Variants in PARVA observed in about 807,000 individuals in gnomAD.
PARVA encodes the protein alpha-parvin.
PARVA carries 25 observed loss-of-function variants against 52.6 expected under a neutral mutation model. The observed-to-expected ratio is 0.48, with a 90% CI of 0.35 to 0.66. PARVA has a LOEUF of 0.66. Ranked by LOEUF, PARVA falls within the 30% of genes least tolerant of loss-of-function variation. The pLI is 0.01. For missense variants in PARVA, 373 were observed against 450.9 expected (o/e 0.83, Z 1.56); for synonymous variants, 185 against 179.1 (o/e 1.03, Z -0.26).
chr11:12,492,125 G>T (rs1449420305), intron 4 of PARVA, among the ~76,000 whole-genome samples: 1 of 152,140 alleles, frequency 6.6e-6, no homozygotes. Context: ...AATTGTGTTT[G>T]TTAGAACATC....
chr11:12,377,604 C>G lies in PARVA; in HGVS notation c.-44C>G. The G allele has an allele frequency of 6.5e-7, 1 of 1,533,356 alleles. No homozygotes were observed. Among genetic ancestry groups the G allele is most frequent in the Non-Finnish European group, 8.7e-7 (1 of 1,145,574 alleles). The allele number at this position is 1,533,356 out of a possible 1,614,324, so 95.0% of individuals were successfully genotyped here. A position where few individuals can be genotyped will look rare whatever the true frequency, so the allele number is the denominator to read the frequency against. On this transcript the variant is annotated 5_prime_UTR_variant, in exon 1 of 13. Transcript: ENST00000334956. ...CGCCGCCCGCTGCGTCCGCCCAGCGCCAGCTCCGCGTCCCGACCGGCCCGC... is the reference window on the plus strand; with the variant it reads ...CGCCGCCCGCTGCGTCCGCCCAGCGGCAGCTCCGCGTCCCGACCGGCCCGC...
chr11:12,521,109 C>T (rs1564870175), intron 12 of PARVA, among the ~76,000 whole-genome samples: 1 of 152,154 alleles, frequency 6.6e-6, no homozygotes, highest in Non-Finnish European at 1.5e-5. Flanking sequence ...GGCAGGGACT[C>T]AGAAGACATC....
At chr11:12,393,501 G>C (rs2134956937) in intron 1 of PARVA, among the ~76,000 whole-genome samples, 1 of 152,170 alleles carries the variant, frequency 6.6e-6, no homozygotes, top group South Asian at 2.1e-4. Context: ...TGATTGAGTT[G>C]TCTTCCACAT....
At chr11:12,385,603 T>C (rs1438593635) in intron 1 of PARVA, among the ~76,000 whole-genome samples, 1 of 152,156 alleles carries the variant, frequency 6.6e-6, no homozygotes, top group Non-Finnish European at 1.5e-5. Flanking sequence ...GGCCAAATAG[T>C]AACTATCTAA....
intron 1 of PARVA, among the ~76,000 whole-genome samples, chr11:12,465,335 T>C (rs915578476): frequency 6.6e-6 from 1 of 152,202 alleles, no homozygotes; most frequent in African/African-American, 2.4e-5. Flanking sequence ...CCTCACTAGA[T>C]GTGGCCCTGC....
rs1197693695 is a variant in PARVA at position 12,528,866 on chromosome 11, T to C, written c.*941T>C. Reference sequence around the variant, plus strand: ...GTTTCAGGGTGACATTTGGGAAGGATTTTGTTTAGAATTAATGGAGTGGCA... The same window carrying C: ...GTTTCAGGGTGACATTTGGGAAGGACTTTGTTTAGAATTAATGGAGTGGCA... On this transcript the variant is annotated 3_prime_UTR_variant, in exon 13 of 13. Coordinates refer to ENST00000334956, the MANE Select transcript of PARVA (RefSeq NM_018222.5). The C allele has an allele frequency of 1.3e-5, 2 of 152,682 alleles. No homozygotes were observed. The highest frequency in any genetic ancestry group is 2.9e-5 in the Non-Finnish European group (2 of 68,052). The allele number at this position is 152,682 out of a possible 1,614,324, so 9.5% of individuals were successfully genotyped here. A position where few individuals can be genotyped will look rare whatever the true frequency, so the allele number is the denominator to read the frequency against.
chr11:12,501,424 C>T lies in PARVA; in HGVS notation c.542-2890C>T, dbSNP rs544434834. 3.3e-5 allele frequency among the ~76,000 whole-genome samples: 5 copies of T among 152,154 alleles called. No homozygotes were observed. In the South Asian group the frequency reaches 1.0e-3, roughly 32 times the overall value. On this transcript the variant is annotated intron_variant, in intron 5 of 12. Coordinates refer to ENST00000334956, the MANE Select transcript of PARVA (RefSeq NM_018222.5). ...ATAACTTCTTAAAGCAGTGGTTATT[C>T]AACTATGGTTGGTCCAAAACTAGGG...
intron 1 of PARVA, among the ~76,000 whole-genome samples, chr11:12,434,628 G>T (rs60476090): frequency 0.15 from 22,708 of 151,976 alleles, 3,767 homozygotes; most frequent in African/African-American, 0.41. Context: ...TCCACCTCCT[G>T]GTCTCTTCTA....
intron 1 of PARVA, among the ~76,000 whole-genome samples, chr11:12,437,388 C>T (rs1251998726): frequency 2.0e-5 from 3 of 152,248 alleles, no homozygotes; most frequent in Admixed American, 6.5e-5. Flanking sequence ...GCCTCCTAAG[C>T]CTCCTATCAC....
At chr11:12,454,702 C>T (rs937615324) in intron 1 of PARVA, among the ~76,000 whole-genome samples, 2 of 152,132 alleles carry the variant, frequency 1.3e-5, no homozygotes, top group Non-Finnish European at 2.9e-5. Flanking sequence ...CCAATCTTGG[C>T]TTCATTCACA....
At chr11:12,389,489 C>A (rs1422856219) in intron 1 of PARVA, among the ~76,000 whole-genome samples, 1 of 152,144 alleles carries the variant, frequency 6.6e-6, no homozygotes, top group African/African-American at 2.4e-5. Flanking sequence ...CTTGGACTTA[C>A]CCCAAACTTG....
intron 5 of PARVA, among the ~76,000 whole-genome samples, chr11:12,503,733 C>CA (rs149797718): frequency 5.5e-4 from 83 of 150,178 alleles, no homozygotes; most frequent in Non-Finnish European, 9.3e-4. Context: ...GACCCTGCTT[C>CA]AAAAAAAAAG....
chr11:12,423,351 G>GTTTTTTTTTTT (rs869105706), intron 1 of PARVA, among the ~76,000 whole-genome samples: 1 of 104,714 alleles, frequency 9.5e-6, no homozygotes, highest in Non-Finnish European at 1.9e-5. Flanking sequence ...GCTAATTTTT[G>GTTTTTTTTTTT]TTTTTTTTTT....
intron 5 of PARVA, among the ~76,000 whole-genome samples, chr11:12,500,311 C>A (rs1318725710): frequency 6.6e-6 from 1 of 152,122 alleles, no homozygotes. Context: ...TACTCTTATC[C>A]CATATGTTCC....
At chr11:12,382,368 T>G (rs888951292) in intron 1 of PARVA, among the ~76,000 whole-genome samples, 1 of 149,654 alleles carries the variant, frequency 6.7e-6, no homozygotes. Context: ...ATTTGTGACA[T>G]GAGTAACTTT....
rs1002302795 is a variant in PARVA, at chr11:12,533,116, C to G, written c.*5191C>G. ...TCCCATAGCTCCTCCTAACCTGCTG[C>G]TGCTGATGGACAGGAACTCCTGGAC... On this transcript the variant is annotated 3_prime_UTR_variant, in exon 13 of 13. Coordinates refer to ENST00000334956, the MANE Select transcript of PARVA (RefSeq NM_018222.5). 6.6e-6 allele frequency among the ~76,000 whole-genome samples: 1 copy of G among 152,200 alleles called. No individual in the cohort carries two copies. Among genetic ancestry groups the G allele is most frequent in the Non-Finnish European group, 1.5e-5 (1 of 68,030 alleles).
Position 12,469,118 on chromosome 11 carries a change from A to T in PARVA, c.137-4627A>T, listed in dbSNP as rs567302377. Among the ~76,000 whole-genome samples, 12 of 152,310 alleles carry T rather than the reference A, an allele frequency of 7.9e-5. No individual in the cohort carries two copies. In the South Asian group the frequency reaches 2.5e-3, roughly 32 times the overall value. The stretch of plus-strand genomic sequence containing the variant: ...CACCAATGTCAGCTATACCCTTGTT[A>T]TGTACAGAATTGTTTTATACCGAAG... On this transcript the variant is annotated intron_variant, in intron 1 of 12. Transcript: ENST00000334956.
At chr11:12,377,222 C>T (rs1281446408), upstream of PARVA, 4 of 336,240 alleles carry the variant, frequency 1.2e-5, no homozygotes, top group African/African-American at 2.2e-5. Context: ...GCTCACCAGC[C>T]GCCGGCTGGA....
At position 12,496,529 on chromosome 11, in the gene PARVA, C is replaced by T. The variant is rs867437685; in HGVS notation, c.472C>T (p.Gln158Ter). 1.9e-6 allele frequency: 3 copies of T among 1,610,578 alleles called. No homozygotes were observed. Among genetic ancestry groups the T allele is most frequent in the Non-Finnish European group, 2.5e-6 (3 of 1,178,446 alleles). ...AGAGATTGCTCAGAAGCAAAAACTG[C>T]AGACTGTCCTGGAGAAGATCAATGA... ...QSEIAQKQKLQTVLEKINETL... is the reference protein window; with the variant it reads ...QSEIAQKQKL Residue 158 changes from glutamine (Q) to a stop codon, truncating the protein, a stop_gained, in exon 5 of 13, where the codon CAG becomes TAG. Coordinates refer to ENST00000334956, the MANE Select transcript of PARVA (RefSeq NM_018222.5). LOFTEE classifies it high-confidence loss of function.
Sources: allele counts gnomAD v4.1 joint callset (sites outside exome capture counted in the v4.1 genomes callset), GRCh38; gene constraint gnomAD v4.1.1; transcripts MANE v1.5; gene names NCBI Gene and HGNC (gene_info 2026-07-23, HGNC 2026-07-21).